CTNNA3: variants seen among roughly 807,000 people sequenced by gnomAD.
The protein encoded by CTNNA3 is catenin alpha 3.
In CTNNA3, 76 loss-of-function variants were observed where a neutral mutation model predicts 95.7. That is an observed-to-expected ratio of 0.79 (90% confidence interval 0.66 to 0.96). CTNNA3 has a LOEUF of 0.96. Ranked by LOEUF, CTNNA3 falls within the 40% of genes least tolerant of loss-of-function variation. CTNNA3 has a pLI of 0.00. For synonymous variants in CTNNA3, 431 were observed against 374.4 expected (o/e 1.15, Z -1.74); for missense variants, 1,191 against 1,089.8 (o/e 1.09, Z -1.31).
intron 7 of CTNNA3, among the ~76,000 whole-genome samples, chr10:66,907,007 A>C (rs79644388): frequency 6.6e-6 from 1 of 152,140 alleles, no homozygotes; most frequent in African/African-American, 2.4e-5. Flanking sequence ...AAAAACATTA[A>C]AATATAGAAT....
chr10:65,929,174 C>T (rs575627804), intron 17 of CTNNA3, among the ~76,000 whole-genome samples: 29 of 152,206 alleles, frequency 1.9e-4, no homozygotes, highest in African/African-American at 6.7e-4. Context: ...TGGTTTCTAG[C>T]TTCATCCATG....
intron 13 of CTNNA3, among the ~76,000 whole-genome samples, chr10:66,143,865 T>C (rs949504381): frequency 6.6e-6 from 1 of 152,214 alleles, no homozygotes; most frequent in Admixed American, 6.5e-5. Flanking sequence ...TCTTAAAACT[T>C]TAAACCATAT....
At chr10:66,365,843 G>A (rs545530986) in intron 12 of CTNNA3, among the ~76,000 whole-genome samples, 2 of 152,046 alleles carry the variant, frequency 1.3e-5, no homozygotes, top group African/African-American at 4.8e-5. Flanking sequence ...ATGGAGAGGT[G>A]CCCATTTAGT....
At chr10:67,014,537 C>G (rs1852538065) in intron 7 of CTNNA3, among the ~76,000 whole-genome samples, 1 of 151,998 alleles carries the variant, frequency 6.6e-6, no homozygotes, top group South Asian at 2.1e-4. Context: ...AGATACTGTT[C>G]CTATGATCTC....
chr10:67,479,410 G>T (rs1298312243), intron 5 of CTNNA3, among the ~76,000 whole-genome samples: 2 of 152,028 alleles, frequency 1.3e-5, no homozygotes, highest in Non-Finnish European at 2.9e-5. Flanking sequence ...TACTCTCAGG[G>T]CACAGTGGAA....
chr10:66,644,587 G>C (rs370057691), intron 9 of CTNNA3, among the ~76,000 whole-genome samples: 1 of 151,598 alleles, frequency 6.6e-6, no homozygotes, highest in South Asian at 2.1e-4. Flanking sequence ...GCAGTTGTAA[G>C]AAATAATATA....
intron 7 of CTNNA3, among the ~76,000 whole-genome samples, chr10:66,873,351 T>C (rs186201710): frequency 1.9e-4 from 28 of 150,302 alleles, no homozygotes; most frequent in Admixed American, 1.7e-3. Context: ...CTCAACAGCA[T>C]CTGGTTTTTT....
chr10:66,073,584 A>G (rs1405298251), intron 14 of CTNNA3, among the ~76,000 whole-genome samples: 1 of 152,114 alleles, frequency 6.6e-6, no homozygotes, highest in African/African-American at 2.4e-5. Flanking sequence ...TTTATATTTT[A>G]GAAAATTATC....
intron 7 of CTNNA3, among the ~76,000 whole-genome samples, chr10:66,776,009 C>G (rs1169037733): frequency 6.6e-6 from 1 of 152,058 alleles, no homozygotes; most frequent in Admixed American, 6.6e-5. Context: ...AAAAGTTGAC[C>G]ACAATTTTAG....
intron 11 of CTNNA3, among the ~76,000 whole-genome samples, chr10:66,391,022 C>T (rs1168823802): frequency 6.6e-6 from 1 of 152,002 alleles, no homozygotes; most frequent in Non-Finnish European, 1.5e-5. Flanking sequence ...GAAAATAAAG[C>T]ACTTTGTATT....
chr10:67,567,759 G>C (rs1419898313), intron 3 of CTNNA3, among the ~76,000 whole-genome samples: 1 of 152,022 alleles, frequency 6.6e-6, no homozygotes, highest in Non-Finnish European at 1.5e-5. Context: ...ATGGAAGCTT[G>C]CCACTGCTAA....
At chr10:67,664,132 T>G (rs984019) in intron 1 of CTNNA3, among the ~76,000 whole-genome samples, 20,473 of 152,184 alleles carry the variant, frequency 0.13, 2,488 homozygotes, top group African/African-American at 0.33. Context: ...ATTGTAGGAC[T>G]AGTATTCATA....
intron 11 of CTNNA3, among the ~76,000 whole-genome samples, chr10:66,457,378 A>G (rs2093501500): frequency 6.6e-6 from 1 of 152,186 alleles, no homozygotes; most frequent in Middle Eastern, 3.4e-3. Context: ...CAAACAACTC[A>G]ATTTAAAAAT....
chr10:66,173,985 G>A (rs537117757), intron 13 of CTNNA3, among the ~76,000 whole-genome samples: 14 of 152,170 alleles, frequency 9.2e-5, no homozygotes, highest in Non-Finnish European at 1.6e-4. Flanking sequence ...TTCAAAATCC[G>A]TGTCCCTAGT....
intron 9 of CTNNA3, among the ~76,000 whole-genome samples, chr10:66,689,980 C>A (rs748483268): frequency 2.6e-5 from 4 of 151,938 alleles, no homozygotes; most frequent in Non-Finnish European, 5.9e-5. Flanking sequence ...TGGGAAATTT[C>A]TGAAAATAGA....
At chr10:66,105,329 C>A (rs544127639) in intron 13 of CTNNA3, among the ~76,000 whole-genome samples, 1 of 152,330 alleles carries the variant, frequency 6.6e-6, no homozygotes, top group Admixed American at 6.5e-5. Flanking sequence ...GAGAAAGCAT[C>A]TTTGCAATTT....
chr10:66,758,883 C>T (rs1406427897), intron 9 of CTNNA3, among the ~76,000 whole-genome samples: 1 of 152,072 alleles, frequency 6.6e-6, no homozygotes, highest in Admixed American at 6.6e-5. Flanking sequence ...TGCCGTGAGC[C>T]TAGATCACGT....
intron 12 of CTNNA3, among the ~76,000 whole-genome samples, chr10:66,331,338 G>GCTTGCTTGCTTT (rs1417713676): frequency 5.1e-5 from 2 of 39,116 alleles, no homozygotes; most frequent in African/African-American, 1.4e-4. Flanking sequence ...TTTCCCCATT[G>GCTTGCTTGCTTT]TTTGTTTTTT....
chr10:67,669,514 A>G (rs1161020506), intron 1 of CTNNA3, among the ~76,000 whole-genome samples: 1 of 152,162 alleles, frequency 6.6e-6, no homozygotes, highest in African/African-American at 2.4e-5. Context: ...ACTGGGTTCA[A>G]ATTCAAACTC....
Sources: allele counts gnomAD v4.1 joint callset (sites outside exome capture counted in the v4.1 genomes callset), GRCh38; gene constraint gnomAD v4.1.1; transcripts MANE v1.5; gene names NCBI Gene and HGNC (gene_info 2026-07-23, HGNC 2026-07-21).